Variants in CSMD1 observed in about 807,000 individuals in gnomAD.
CSMD1 encodes CUB and Sushi multiple domains 1, also known as CUB and sushi domain-containing protein 1.
In CSMD1, 213 loss-of-function variants were observed where a neutral mutation model predicts 417.5. The ratio of observed to expected loss-of-function variants is 0.51; its 90% CI spans 0.46 to 0.57. CSMD1 has a LOEUF of 0.57. Ranked by LOEUF, CSMD1 falls within the 20% of genes least tolerant of loss-of-function variation. CSMD1 has a pLI of 0.00. For synonymous variants in CSMD1, 2,862 were observed against 1,736.8 expected, an observed-to-expected ratio of 1.65 and a Z score of -16.11; for missense variants, 6,923 against 4,529.7, an observed-to-expected ratio of 1.53 and a Z score of -15.17.
At chr8:3,399,245 CAAGT>C (rs1195381610) in intron 16 of CSMD1, 142 bp downstream of exon 16, 1 of 657,030 alleles carries the variant, frequency 1.5e-6, no homozygotes, top group Non-Finnish European at 2.5e-6. Flanking sequence ...ACAAAACTTA[CAAGT>C]AAGTGCCTGT....
At chr8:4,537,366 G>A (rs922483988) in intron 2 of CSMD1, among the ~76,000 whole-genome samples, 10 of 152,066 alleles carry the variant, frequency 6.6e-5, no homozygotes, top group African/African-American at 2.4e-4. Context: ...AAAGAAAGTT[G>A]TGCTAATTCT....
intron 1 of CSMD1, among the ~76,000 whole-genome samples, chr8:4,863,719 C>G (rs1048088989): frequency 6.6e-6 from 1 of 151,918 alleles, no homozygotes; most frequent in African/African-American, 2.4e-5. Flanking sequence ...AAAGACTTAT[C>G]CTTTGAAAAA....
intron 1 of CSMD1, among the ~76,000 whole-genome samples, chr8:4,845,381 A>T (rs1326560396): frequency 6.6e-6 from 1 of 152,234 alleles, no homozygotes; most frequent in Non-Finnish European, 1.5e-5. Context: ...CATACATGGG[A>T]TGATCCTGTT....
At chr8:4,375,107 G>C (rs1584977966) in intron 3 of CSMD1, among the ~76,000 whole-genome samples, 1 of 152,080 alleles carries the variant, frequency 6.6e-6, no homozygotes, top group East Asian at 1.9e-4. Flanking sequence ...TGGCAGACCT[G>C]AAGAACGAAG....
intron 5 of CSMD1, among the ~76,000 whole-genome samples, chr8:3,936,438 T>A (rs550731034): frequency 1.3e-5 from 2 of 152,280 alleles, no homozygotes; most frequent in South Asian, 4.1e-4. Context: ...ACTCTCTTCT[T>A]AGGGGCTAAT....
At chr8:3,079,024 G>C (rs963450992) in intron 49 of CSMD1, among the ~76,000 whole-genome samples, 1 of 152,142 alleles carries the variant, frequency 6.6e-6, no homozygotes, top group Non-Finnish European at 1.5e-5. Context: ...GAAGTCACTT[G>C]CCCTGTCCAG....
intron 1 of CSMD1, among the ~76,000 whole-genome samples, chr8:4,827,015 G>A (rs1585168369): frequency 1.3e-5 from 2 of 151,992 alleles, no homozygotes; most frequent in African/African-American, 4.8e-5. Context: ...ATCTTCCATG[G>A]ACCACATTTA....
At chr8:4,457,572 C>G (rs967269636) in intron 2 of CSMD1, among the ~76,000 whole-genome samples, 3 of 152,032 alleles carry the variant, frequency 2.0e-5, no homozygotes, top group African/African-American at 4.8e-5. Context: ...AATTTATTGT[C>G]TCTGAGCTTC....
chr8:3,354,088 T>C (rs1808585168), intron 21 of CSMD1, among the ~76,000 whole-genome samples: 1 of 152,218 alleles, frequency 6.6e-6, no homozygotes, highest in Non-Finnish European at 1.5e-5. Context: ...GCATATTCAA[T>C]ATTCGGCAAG....
intron 1 of CSMD1, among the ~76,000 whole-genome samples, chr8:4,840,432 A>G (rs1256906250): frequency 1.3e-5 from 2 of 152,218 alleles, no homozygotes; most frequent in Non-Finnish European, 2.9e-5. Context: ...TATATGTTGA[A>G]GACTATAGTC....
intron 1 of CSMD1, among the ~76,000 whole-genome samples, chr8:4,718,757 A>C (rs1172169589): frequency 6.6e-6 from 1 of 152,074 alleles, no homozygotes; most frequent in African/African-American, 2.4e-5. Context: ...ATTTTATAAA[A>C]GAAAATACTC....
chr8:4,753,784 C>A (rs574497598), intron 1 of CSMD1, among the ~76,000 whole-genome samples: 1 of 152,196 alleles, frequency 6.6e-6, no homozygotes, highest in African/African-American at 2.4e-5. Context: ...TTCCTCCCCA[C>A]CACTGCCTCC....
intron 7 of CSMD1, among the ~76,000 whole-genome samples, chr8:3,675,963 G>C (rs968162368): frequency 1.3e-5 from 2 of 152,084 alleles, no homozygotes; most frequent in Non-Finnish European, 2.9e-5. Flanking sequence ...CTCAGCCCAG[G>C]CCTGCCATCT....
intron 1 of CSMD1, among the ~76,000 whole-genome samples, chr8:4,941,304 CTTTGTT>C (rs753349114): frequency 3.9e-5 from 6 of 152,062 alleles, no homozygotes; most frequent in Non-Finnish European, 7.4e-5. Context: ...ATGTAATATA[CTTTGTT>C]TTTGTAAAGC....
intron 5 of CSMD1, among the ~76,000 whole-genome samples, chr8:3,941,619 A>G (rs1002459389): frequency 2.6e-5 from 4 of 152,294 alleles, no homozygotes; most frequent in Admixed American, 2.0e-4. Flanking sequence ...ATTCATGAAG[A>G]TAAGACTTAA....
intron 1 of CSMD1, among the ~76,000 whole-genome samples, chr8:4,906,467 C>A (rs1234578834): frequency 6.6e-6 from 1 of 151,754 alleles, no homozygotes; most frequent in African/African-American, 2.4e-5. Context: ...TTTTTTGTAG[C>A]AAAGGAATAC....
chr8:4,177,545 T>C (rs1798121868), intron 3 of CSMD1, among the ~76,000 whole-genome samples: 1 of 151,806 alleles, frequency 6.6e-6, no homozygotes, highest in Admixed American at 6.6e-5. Flanking sequence ...GCAAACACAT[T>C]CAAAGCTAGC....
At chr8:3,046,763 G>A (rs1811472752) in intron 50 of CSMD1, among the ~76,000 whole-genome samples, 1 of 152,182 alleles carries the variant, frequency 6.6e-6, no homozygotes, top group Admixed American at 6.5e-5. Flanking sequence ...TTTCTGTGAT[G>A]CCCAGCCACA....
At chr8:4,759,487 G>A (rs1212876067) in intron 1 of CSMD1, among the ~76,000 whole-genome samples, 1 of 152,176 alleles carries the variant, frequency 6.6e-6, no homozygotes, top group Non-Finnish European at 1.5e-5. Context: ...ATGCTGGTTT[G>A]CTGCACCTAT....
Sources: allele counts gnomAD v4.1 joint callset (sites outside exome capture counted in the v4.1 genomes callset), GRCh38; gene constraint gnomAD v4.1.1; transcripts MANE v1.5; gene names NCBI Gene and HGNC (gene_info 2026-07-23, HGNC 2026-07-21).